The following ISG20L2 variants were observed in gnomAD, a reference collection of about 807,000 sequenced individuals.
The protein encoded by ISG20L2 is interferon stimulated exonuclease gene 20 like 2.
A neutral mutation model predicts 27.8 loss-of-function variants in ISG20L2; 14 were observed. That is an observed-to-expected ratio of 0.50 (90% CI 0.33 to 0.79). ISG20L2 has a LOEUF of 0.79. ISG20L2 is among the 30% of genes least tolerant of loss of function. The pLI is 0.02. For synonymous variants in ISG20L2, 157 were observed against 165.7 expected (o/e 0.95, Z 0.40); for missense variants, 393 against 435.1 (o/e 0.90, Z 0.86).
chr1:156,726,214 C>G (rs1462774874), intron 2 of ISG20L2: 1 of 985,330 alleles, frequency 1.0e-6, no homozygotes, highest in Non-Finnish European at 1.2e-6. Context: ...ACCACCACCA[C>G]TTTCCGCACT....
rs1648815486 is a variant in ISG20L2, at chr1:156,727,145, C to A, written c.508G>T (p.Gly170Ter). Residue 170 changes from glycine (G) to a stop codon, truncating the protein, a stop_gained, in exon 2 of 4, where the codon GGA (glycine) becomes TGA (stop). Coordinates refer to ENST00000368219, the MANE Select transcript of ISG20L2 (RefSeq NM_001370150.2). LOFTEE classifies it high-confidence loss of function. ...TTCCGTGGCAACTTCTGGGATGCTC[C>A]GGAGCATTTATTCTCTGAATGAGCT... ...TQAHSENKCSGASQKLPRKMV... is the reference protein window; with the variant it reads ...TQAHSENKCS 6.2e-7 allele frequency: 1 copy of A among 1,613,968 alleles called. No individual in the cohort carries two copies.
intron 2 of ISG20L2, chr1:156,726,525 T>G (rs976732016): frequency 1.3e-6 from 1 of 741,122 alleles, no homozygotes; most frequent in Admixed American, 6.3e-5. Flanking sequence ...ACCTCCTGAG[T>G]AGCTGGGACT....
rs535718202 is a variant in ISG20L2, at chr1:156,724,209, G to A, written c.887C>T (p.Pro296Leu). ...CTTCAGAGACATGGTGGCATTCTCC[G>A]GGCAGTCAGCCTTCCGGTTGAGGGG... ...IPPLNRKADC[P>L]ENATMSLKHL... The change falls in exon 3 of 4, where the codon CCG (proline) becomes CTG (leucine). Residue 296 changes from proline to leucine, a missense_variant. Pro to Leu is a moderately conservative substitution (Grantham distance 98). Transcript: ENST00000368219. 7 of 1,613,914 alleles carry A rather than the reference G, an allele frequency of 4.3e-6. No individual in the cohort carries two copies. In the African/African-American group the frequency reaches 5.3e-5, roughly 12 times the overall value.
At chr1:156,725,388 T>C (rs1648707981) in intron 2 of ISG20L2, 1 of 152,214 alleles carries the variant, frequency 6.6e-6, no homozygotes, top group Non-Finnish European at 1.5e-5. Flanking sequence ...TCACCACACC[T>C]AGCCATTTCA....
At position 156,728,754 on chromosome 1, in the gene ISG20L2, A is replaced by C; in HGVS notation, c.-457T>G. The C allele has an allele frequency of 9.8e-7, 1 of 1,023,168 alleles. No homozygotes were observed. The allele number at this position is 1,023,168 out of a possible 1,614,324, so 63.4% of individuals were successfully genotyped here. A position where few individuals can be genotyped will look rare whatever the true frequency, so the allele number is the denominator to read the frequency against. On this transcript the variant is annotated 5_prime_UTR_variant, in exon 1 of 4. Transcript: ENST00000368219. ...ACACCTCCGGCTTCACTTCCGTAAG[A>C]GGAGAGGAGTGTACGGCAAGGGGCG... is the stretch of plus-strand genomic sequence containing the variant.
intron 2 of ISG20L2, chr1:156,725,820 CTCT>C: frequency 1.0e-6 from 1 of 968,314 alleles, no homozygotes; most frequent in Non-Finnish European, 1.2e-6. Flanking sequence ...AGATGTTTAA[CTCT>C]TCTTTCCGTC....
rs1485425060 is a variant in ISG20L2 at position 156,722,240 on chromosome 1, T to C, written c.*1109A>G. On this transcript the variant is annotated 3_prime_UTR_variant, in exon 4 of 4. Coordinates refer to ENST00000368219, the MANE Select transcript of ISG20L2 (RefSeq NM_001370150.2). ...TGAGCCAAAAGCAGACTCTGTGACA[T>C]GGAAAGGGACCACACAATTTTAATT... is the stretch of plus-strand genomic sequence containing the variant. 6.6e-6 allele frequency: 1 copy of C among 151,598 alleles called. No homozygotes were observed. Among genetic ancestry groups the C allele is most frequent in the Non-Finnish European group, 1.5e-5 (1 of 67,980 alleles). The allele number at this position is 151,598 out of a possible 1,614,324, so 9.4% of individuals were successfully genotyped here.
At chr1:156,723,703 T>G in intron 3 of ISG20L2, 1 of 985,446 alleles carries the variant, frequency 1.0e-6, no homozygotes, top group Non-Finnish European at 1.2e-6. Flanking sequence ...ATAAGCCATA[T>G]TAGGTTCTGT....
intron 2 of ISG20L2, chr1:156,726,348 C>G (rs1648757189): frequency 2.0e-6 from 2 of 985,324 alleles, no homozygotes; most frequent in Admixed American, 6.1e-5. Context: ...GCAGCTCTGT[C>G]TAGTTTCATC....
Position 156,727,669 on chromosome 1 carries a change from G to A in ISG20L2, c.-17C>T, listed in dbSNP as rs111528072. On this transcript the variant is annotated 5_prime_UTR_variant, in exon 2 of 4. Coordinates refer to ENST00000368219, the MANE Select transcript of ISG20L2 (RefSeq NM_001370150.2). ...AGTAGACATAGGGACAATGGAAGGC[G>A]GAAGAGTAGTTGGGAAGAGTGGCTT... The A allele has an allele frequency of 1.9e-5, 30 of 1,601,928 alleles. No homozygotes were observed. Among genetic ancestry groups the A allele is most frequent in the African/African-American group, 1.2e-4 (9 of 74,254 alleles).
chr1:156,724,626 T>C (rs746815373), intron 2 of ISG20L2: 86 of 1,189,134 alleles, frequency 7.2e-5, no homozygotes, highest in Non-Finnish European at 9.0e-5. Context: ...TTGCCTTCAG[T>C]CCTAAATGAC....
intron 2 of ISG20L2, 57 bp from the exon 3 acceptor site, chr1:156,724,405 A>C (rs1648668609): frequency 1.3e-6 from 2 of 1,495,600 alleles, no homozygotes; most frequent in African/African-American, 2.8e-5. Context: ...GAACCCCTGC[A>C]TTCTGAAAGC....
At position 156,726,133 on chromosome 1, in the gene ISG20L2, G is replaced by A. The variant is rs1648747923; in HGVS notation, c.747+773C>T. 5.1e-6 allele frequency: 5 copies of A among 985,400 alleles called. No homozygotes were observed. In the South Asian group the frequency reaches 1.9e-4, roughly 37 times the overall value. The allele number at this position is 985,400 out of a possible 1,614,324, so 61.0% of individuals were successfully genotyped here. On this transcript the variant is annotated intron_variant, in intron 2 of 3. Coordinates refer to ENST00000368219, the MANE Select transcript of ISG20L2 (RefSeq NM_001370150.2). Reference sequence around the variant, plus strand: ...GTGCCGGCCCTGTGCCGTTTATGCCGTTCACTGGTTACCTGTTCCAGTTGG... The same window carrying A: ...GTGCCGGCCCTGTGCCGTTTATGCCATTCACTGGTTACCTGTTCCAGTTGG...
chr1:156,725,999 C>G, intron 2 of ISG20L2: 2 of 985,586 alleles, frequency 2.0e-6, no homozygotes, highest in South Asian at 9.4e-5. Flanking sequence ...CAGCAGGTCT[C>G]TTGCTCTCCC....
intron 2 of ISG20L2, chr1:156,724,957 G>GTT (rs796722909): frequency 3.4e-5 from 5 of 145,362 alleles, no homozygotes; most frequent in African/African-American, 5.0e-5. Context: ...TCAGGAAACT[G>GTT]TTTTTTTTTT....
chr1:156,724,801 G>C (rs1004193378), intron 2 of ISG20L2: 1 of 402,958 alleles, frequency 2.5e-6, no homozygotes, highest in Non-Finnish European at 3.4e-6. Context: ...ATGGGTACTA[G>C]AGGAAGAGAA....
chr1:156,728,026 A>T (rs1050759196), intron 1 of ISG20L2: 1 of 1,034,520 alleles, frequency 9.7e-7, no homozygotes, highest in African/African-American at 1.7e-5. Context: ...TCTCATTTGT[A>T]AAATGAAGGG....
At position 156,723,299 on chromosome 1, in the gene ISG20L2, C is replaced by A. The variant is rs1389808554; in HGVS notation, c.*50G>T. 1.9e-6 allele frequency: 3 copies of A among 1,610,736 alleles called. No homozygotes were observed. The South Asian group carries it at 3.3e-5, about 18-fold the overall frequency. ...TGTCCATTGGTCCACTGCCCTGTTT[C>A]TCCTGGGTGCTGCCTCTGCCTCCTC... On this transcript the variant is annotated 3_prime_UTR_variant, in exon 4 of 4. Transcript: ENST00000368219.
chr1:156,728,367 C>T (rs1648911716), intron 1 of ISG20L2, 48 bp downstream of exon 1: 1 of 985,590 alleles, frequency 1.0e-6, no homozygotes, highest in African/African-American at 1.7e-5. Context: ...GATAAGCATA[C>T]TTCGGATCCC....
Sources: gnomAD v4.1 joint callset for allele counts on GRCh38, gnomAD v4.1.1 for gene constraint, MANE v1.5 for transcripts, NCBI Gene and HGNC (gene_info 2026-07-23, HGNC 2026-07-21) for gene names.